INO80D: variants seen among roughly 807,000 people sequenced by gnomAD.
INO80D encodes INO80 complex subunit D.
A neutral mutation model predicts 87.6 loss-of-function variants in INO80D; 21 were observed. The observed-to-expected ratio is 0.24, with a 90% CI of 0.17 to 0.35. The LOEUF (loss-of-function observed/expected upper bound fraction) is 0.35, where lower values mean the gene tolerates loss of function less well. Ranked by LOEUF, INO80D falls within the 10% of genes least tolerant of loss-of-function variation. The pLI is 1.00. For synonymous variants in INO80D, 440 were observed against 491.0 expected, an observed-to-expected ratio of 0.90 and a Z score of 1.37; for missense variants, 982 against 1,280.7, an observed-to-expected ratio of 0.77 and a Z score of 3.56.
intron 8 of INO80D, among the ~76,000 whole-genome samples, chr2:206,015,227 C>A (rs79594097): frequency 1.3e-5 from 2 of 152,136 alleles, no homozygotes; most frequent in Admixed American, 6.5e-5. Flanking sequence ...AATCCAGCTG[C>A]AGAAATTTGC....
At chr2:206,075,682 C>T (rs529118424) in intron 1 of INO80D, among the ~76,000 whole-genome samples, 120 of 151,800 alleles carry the variant, frequency 7.9e-4, no homozygotes, top group African/African-American at 2.8e-3. Context: ...AAGTGATCCG[C>T]CCACCTCGGC....
At chr2:206,008,565 C>T (rs1490579224) in intron 9 of INO80D, among the ~76,000 whole-genome samples, 1 of 152,178 alleles carries the variant, frequency 6.6e-6, no homozygotes, top group Non-Finnish European at 1.5e-5. Context: ...AGGCATGAGC[C>T]ACCGCACCTG....
intron 1 of INO80D, among the ~76,000 whole-genome samples, chr2:206,080,083 T>C (rs750182359): frequency 1.3e-5 from 2 of 152,186 alleles, no homozygotes; most frequent in African/African-American, 2.4e-5. Context: ...GCATTGTAAA[T>C]GTCAGCTTAT....
chr2:206,016,243 G>A (rs1340639160), intron 8 of INO80D, among the ~76,000 whole-genome samples: 1 of 152,210 alleles, frequency 6.6e-6, no homozygotes, highest in South Asian at 2.1e-4. Flanking sequence ...TGACCTGGAT[G>A]TGAGACATGA....
intron 9 of INO80D, among the ~76,000 whole-genome samples, chr2:206,008,454 T>G (rs1296481394): frequency 2.0e-5 from 3 of 151,570 alleles, no homozygotes. Context: ...CTAATTTTTG[T>G]ATTTTTGGTA....
At chr2:206,049,384 C>G (rs1366092370) in intron 4 of INO80D, among the ~76,000 whole-genome samples, 1 of 152,194 alleles carries the variant, frequency 6.6e-6, no homozygotes, top group Non-Finnish European at 1.5e-5. Context: ...ACAGCATCAA[C>G]TTCAGTGTGT....
rs116331438 is a variant in INO80D, at chr2:206,007,402, C to T, written c.1800G>A (p.Pro600=). 3,931 of 1,613,688 alleles carry T rather than the reference C, an allele frequency of 2.4e-3. 8 individuals carry two copies. The highest frequency in any genetic ancestry group is 3.1e-3 in the Non-Finnish European group (3,652 of 1,179,796). ...STPELSADEL[P]DDIANEITDI... ...CAGTGATCTCATTGGCAATGTCATC[C>T]GGCAACTCATCAGCACTCAGCTCTG... The change falls in exon 10 of 11, where the codon CCG becomes CCA. Residue 600 remains proline, a synonymous_variant. Coordinates refer to ENST00000403263, the MANE Select transcript of INO80D (RefSeq NM_017759.5).
At chr2:206,024,899 G>A (rs1330616339) in intron 6 of INO80D, among the ~76,000 whole-genome samples, 9 of 151,928 alleles carry the variant, frequency 5.9e-5, no homozygotes, top group Non-Finnish European at 1.5e-5. Context: ...GGGACTACAG[G>A]TGCCCACCAC....
chr2:206,038,404 C>G (rs1688946563), intron 5 of INO80D, among the ~76,000 whole-genome samples: 1 of 152,176 alleles, frequency 6.6e-6, no homozygotes, highest in African/African-American at 2.4e-5. Flanking sequence ...AGTTTAGATA[C>G]TCTAACAGAA....
intron 6 of INO80D, among the ~76,000 whole-genome samples, chr2:206,024,350 A>G (rs1035196104): frequency 6.6e-6 from 1 of 152,114 alleles, no homozygotes; most frequent in Non-Finnish European, 1.5e-5. Flanking sequence ...TACACAGTAG[A>G]GGGAACCTAA....
At position 206,048,017 on chromosome 2, in the gene INO80D, A is replaced by AT. The variant is rs1004715221; in HGVS notation, c.965-1406dup. Among the ~76,000 whole-genome samples the AT allele has an allele frequency of 5.1e-4, 74 of 146,422 alleles. No individual in the cohort carries two copies. The Middle Eastern group carries it at 0.011, about 21-fold the overall frequency. On this transcript the variant is annotated intron_variant, in intron 4 of 10. Transcript: ENST00000403263. ...AGGCACCCGCCACCGCGCCTGGCTA[A>AT]TTTTTTTTTTTGTATTTTTAGTAGA... is the stretch of plus-strand genomic sequence containing the variant.
chr2:206,040,577 G>T, intron 5 of INO80D: 1 of 262,854 alleles, frequency 3.8e-6, no homozygotes. Context: ...GGAATTGATC[G>T]CTATCCCTGC....
intron 6 of INO80D, among the ~76,000 whole-genome samples, chr2:206,022,016 A>G (rs1455302902): frequency 6.6e-6 from 1 of 152,168 alleles, no homozygotes; most frequent in African/African-American, 2.4e-5. Flanking sequence ...AACTTACAAA[A>G]TAACTATTGG....
intron 5 of INO80D, chr2:206,040,372 C>T (rs555274708): frequency 2.5e-4 from 39 of 154,520 alleles, no homozygotes; most frequent in Non-Finnish European, 4.3e-4. Flanking sequence ...ACATGTTAGA[C>T]GTAAATGCAA....
intron 4 of INO80D, 39 bp from the exon 5 acceptor site, chr2:206,046,651 T>A: frequency 7.5e-7 from 1 of 1,339,680 alleles, no homozygotes; most frequent in Non-Finnish European, 1.1e-6. Context: ...AGAAAAAGTT[T>A]ACTTTTATTC....
chr2:206,028,052 CA>C lies in INO80D; in HGVS notation c.1298+58del, dbSNP rs1335791329. ...CCACTGTGCCTCAACTATCCTCTCACAAAATAAAGAAAGCAAACTGAGATGA... is the reference window on the plus strand; with the variant it reads ...CCACTGTGCCTCAACTATCCTCTCACAAATAAAGAAAGCAAACTGAGATGA... On this transcript the variant is annotated intron_variant, in intron 6 of 10. Transcript: ENST00000403263. 3 of 1,248,674 alleles carry C rather than the reference CA, an allele frequency of 2.4e-6. No homozygotes were observed. The African/African-American group carries it at 4.5e-5, about 19-fold the overall frequency. 77.3% of individuals were successfully genotyped at this position (1,248,674 alleles called of 1,614,324 possible). A position where few individuals can be genotyped will look rare whatever the true frequency, so the allele number is the denominator to read the frequency against.
At chr2:206,040,758 CA>C in intron 5 of INO80D, 1 of 286,708 alleles carries the variant, frequency 3.5e-6, no homozygotes, top group Non-Finnish European at 7.3e-6. Context: ...CTCTTAAACA[CA>C]AGTCCCAATG....
At chr2:206,071,451 C>A (rs1689970237) in intron 1 of INO80D, among the ~76,000 whole-genome samples, 1 of 145,720 alleles carries the variant, frequency 6.9e-6, no homozygotes, top group South Asian at 2.3e-4. Context: ...GGAAACTCTT[C>A]CTTAATGTAT....
intron 6 of INO80D, among the ~76,000 whole-genome samples, chr2:206,024,689 G>C (rs1386454936): frequency 6.6e-6 from 1 of 151,946 alleles, no homozygotes; most frequent in Non-Finnish European, 1.5e-5. Flanking sequence ...TCAAAAAACA[G>C]GTATATAAGT....
Sources: allele counts gnomAD v4.1 joint callset (sites outside exome capture counted in the v4.1 genomes callset), GRCh38; gene constraint gnomAD v4.1.1; transcripts MANE v1.5; gene names NCBI Gene and HGNC (gene_info 2026-07-23, HGNC 2026-07-21).